Variants in DNAH7 observed in about 807,000 individuals in gnomAD.
DNAH7 encodes dynein axonemal heavy chain 7.
In DNAH7, 397 loss-of-function variants were observed where a neutral mutation model predicts 444.6. That is an observed-to-expected ratio of 0.89 (90% confidence interval 0.82 to 0.97). DNAH7 has a LOEUF of 0.97. Ranked by LOEUF, DNAH7 falls within the 50% of genes least tolerant of loss-of-function variation. DNAH7 has a pLI of 0.00. For missense variants in DNAH7, 4,902 were observed against 4,800.8 expected (o/e 1.02, Z -0.62); for synonymous variants, 1,636 against 1,624.4 (o/e 1.01, Z -0.17).
intron 15 of DNAH7, among the ~76,000 whole-genome samples, chr2:195,976,212 G>T (rs1692175636): frequency 6.6e-6 from 1 of 151,966 alleles, no homozygotes; most frequent in South Asian, 2.1e-4. Flanking sequence ...GTGAAAGTGG[G>T]TCCTAGGTTT....
intron 8 of DNAH7, among the ~76,000 whole-genome samples, chr2:196,020,992 T>C (rs187566195): frequency 2.0e-5 from 3 of 152,294 alleles, no homozygotes; most frequent in Admixed American, 1.3e-4. Flanking sequence ...CTTCAAACTA[T>C]TTAAGAGATT....
intron 63 of DNAH7, among the ~76,000 whole-genome samples, chr2:195,748,657 A>G (rs1449768801): frequency 6.6e-6 from 1 of 152,194 alleles, no homozygotes; most frequent in Non-Finnish European, 1.5e-5. Context: ...AATGGAACAG[A>G]ACAGAGCCCT....
Position 195,875,832 on chromosome 2 carries a change from T to G in DNAH7, c.6129A>C (p.Val2043=). ...PPLGKRMVVF[V]DDVNMPAREV... is the part of the protein sequence containing the mutation. ...CCCGAGCAGGCATATTGACATCATC[T>G]ACAAAGACAACCTGAGAATGAGAAG... The change falls in exon 38 of 65, where the codon GTA becomes GTC. Residue 2043 remains valine, a synonymous_variant. Transcript: ENST00000312428. The G allele has an allele frequency of 6.2e-7, 1 of 1,602,118 alleles. No individual in the cohort carries two copies. The highest frequency in any genetic ancestry group is 8.5e-7 in the Non-Finnish European group (1 of 1,176,442).
At position 195,922,142 on chromosome 2, in the gene DNAH7, T is replaced by TA; in HGVS notation, c.3880dup (p.Tyr1294LeufsTer4). On this transcript the variant is annotated frameshift_variant, in exon 24 of 65. Coordinates refer to ENST00000312428, the MANE Select transcript of DNAH7 (RefSeq NM_018897.3). LOFTEE classifies it high-confidence loss of function. ...AACCAGCCTAGGGGAATTACCCAGA[T>TA]ATTCATATCCATATCGCAAACCAGC... 6.2e-7 allele frequency: 1 copy of TA among 1,613,590 alleles called. No homozygotes were observed. Among genetic ancestry groups the TA allele is most frequent in the Non-Finnish European group, 8.5e-7 (1 of 1,179,500 alleles).
chr2:195,975,881 A>G (rs1342436794), intron 15 of DNAH7, among the ~76,000 whole-genome samples: 1 of 152,168 alleles, frequency 6.6e-6, no homozygotes, highest in South Asian at 2.1e-4. Context: ...CTGACTAAAG[A>G]GCCCTTGGGC....
chr2:195,739,749 G>A (rs1692880806), intron 64 of DNAH7, among the ~76,000 whole-genome samples: 1 of 152,172 alleles, frequency 6.6e-6, no homozygotes, highest in Non-Finnish European at 1.5e-5. Context: ...TCAATTGGCA[G>A]CATTGTCACG....
At chr2:195,815,901 G>A (rs570719770) in intron 51 of DNAH7, among the ~76,000 whole-genome samples, 3 of 152,298 alleles carry the variant, frequency 2.0e-5, no homozygotes, top group African/African-American at 4.8e-5. Context: ...GCTGAGGCAG[G>A]AGAATGGTGT....
chr2:195,808,658 A>G (rs1696816551), intron 53 of DNAH7, 24 bp downstream of exon 53: 2 of 1,606,912 alleles, frequency 1.2e-6, no homozygotes, highest in Admixed American at 3.4e-5. Context: ...AAACATTGGA[A>G]TAAGTGAGAG....
In DNAH7 at chr2:195,890,324, A is replaced by G. The variant is rs6713408; in HGVS notation, c.5046+1331T>C. Among the ~76,000 whole-genome samples, 1,429 of 152,244 alleles carry G rather than the reference A, an allele frequency of 9.4e-3. 21 individuals carry two copies. The highest frequency in any genetic ancestry group is 0.033 in the African/African-American group (1,351 of 41,558). ...TGCCTGTTATGCATCACTTTGGGAA[A>G]CACTACCGTGCAATGGCGAGACCTT... On this transcript the variant is annotated intron_variant, in intron 31 of 64. Coordinates refer to ENST00000312428, the MANE Select transcript of DNAH7 (RefSeq NM_018897.3).
At position 195,998,866 on chromosome 2, in the gene DNAH7, TTATAACG is replaced by T. The variant is rs149227692; in HGVS notation, c.1353+1831_1353+1837del. The T allele has an allele frequency of 9.2e-4, 391 of 423,548 alleles. 1 individual carries two copies. The highest frequency in any genetic ancestry group is 7.1e-3 in the African/African-American group (361 of 50,638). The allele number at this position is 423,548 out of a possible 1,614,324, so 26.2% of individuals were successfully genotyped here. A position where few individuals can be genotyped will look rare whatever the true frequency, so the allele number is the denominator to read the frequency against. ...AGGATAATAAAGCTGACTTTATCTT[TTATAACG>T]TATAGCTAAGGAAATAACAACAAAA... On this transcript the variant is annotated intron_variant, in intron 12 of 64. Coordinates refer to ENST00000312428, the MANE Select transcript of DNAH7 (RefSeq NM_018897.3).
At chr2:195,743,601 C>A (rs147134709) in intron 63 of DNAH7, among the ~76,000 whole-genome samples, 1 of 152,258 alleles carries the variant, frequency 6.6e-6, no homozygotes, top group East Asian at 1.9e-4. Context: ...TGGCTTCTAT[C>A]CCAAGCTGTT....
intron 36 of DNAH7, among the ~76,000 whole-genome samples, chr2:195,878,667 C>A (rs957569913): frequency 6.6e-6 from 1 of 152,116 alleles, no homozygotes; most frequent in African/African-American, 2.4e-5. Flanking sequence ...AACAGTTTGG[C>A]AGTGAGCATT....
chr2:196,032,235 C>T (rs1268925603), intron 5 of DNAH7, among the ~76,000 whole-genome samples: 3 of 152,178 alleles, frequency 2.0e-5, no homozygotes, highest in Non-Finnish European at 4.4e-5. Context: ...GAGAAACCAT[C>T]CCCATGATTC....
intron 49 of DNAH7, among the ~76,000 whole-genome samples, chr2:195,819,124 G>C (rs1697352009): frequency 6.6e-6 from 1 of 152,068 alleles, no homozygotes; most frequent in Non-Finnish European, 1.5e-5. Context: ...TTATCCACCA[G>C]ATTAGCTCCT....
chr2:195,906,321 A>G lies in DNAH7; in HGVS notation c.4335+338T>C, dbSNP rs1687013575. ...CTCAAAGCTTTAAAAATTGTTTTCT[A>G]AAACAATTTTCTAAAACATTATAGC... On this transcript the variant is annotated intron_variant, in intron 27 of 64. Coordinates refer to ENST00000312428, the MANE Select transcript of DNAH7 (RefSeq NM_018897.3). Among the ~76,000 whole-genome samples, 3 of 152,100 alleles carry G rather than the reference A, an allele frequency of 2.0e-5. No individual in the cohort carries two copies. The South Asian group carries it at 6.2e-4, about 32-fold the overall frequency.
Position 195,864,182 on chromosome 2 carries a change from A to G in DNAH7, c.7473T>C (p.Ala2491=). The change falls in exon 41 of 65, where the codon GCT becomes GCC. Residue 2491 remains alanine, a synonymous_variant. Coordinates refer to ENST00000312428, the MANE Select transcript of DNAH7 (RefSeq NM_018897.3). ...AFRNRLRKFP[A]LVNCCTIDWF... Reference sequence around the variant, plus strand: ...AGTCAATGGTACAGCAGTTAACAAGAGCAGGGAACTTTCTAAGACGATTCC... The same window carrying G: ...AGTCAATGGTACAGCAGTTAACAAGGGCAGGGAACTTTCTAAGACGATTCC... 6.2e-7 allele frequency: 1 copy of G among 1,614,128 alleles called. No individual in the cohort carries two copies. Among genetic ancestry groups the G allele is most frequent in the Non-Finnish European group, 8.5e-7 (1 of 1,179,996 alleles).
intron 15 of DNAH7, among the ~76,000 whole-genome samples, chr2:195,975,184 A>G (rs539139459): frequency 2.4e-4 from 36 of 152,324 alleles, no homozygotes; most frequent in African/African-American, 8.7e-4. Context: ...ACTTCATATT[A>G]CTGAAAGAGA....
intron 49 of DNAH7, among the ~76,000 whole-genome samples, chr2:195,820,185 T>C (rs1236116500): frequency 6.6e-6 from 1 of 152,030 alleles, no homozygotes; most frequent in Non-Finnish European, 1.5e-5. Context: ...ACTTGTTTTT[T>C]AACACAGGAA....
intron 17 of DNAH7, among the ~76,000 whole-genome samples, chr2:195,962,563 T>G (rs1691183678): frequency 1.3e-5 from 2 of 152,218 alleles, no homozygotes; most frequent in Admixed American, 1.3e-4. Context: ...TTGCTCAGGC[T>G]GGTCTCAAAT....
Sources: allele counts gnomAD v4.1 joint callset (sites outside exome capture counted in the v4.1 genomes callset), GRCh38; gene constraint gnomAD v4.1.1; transcripts MANE v1.5; gene names NCBI Gene and HGNC (gene_info 2026-07-23, HGNC 2026-07-21).